The following FAM174B variants were observed in gnomAD, a reference collection of about 807,000 sequenced individuals.
FAM174B encodes membrane protein FAM174B.
FAM174B carries 12 observed loss-of-function variants against 10.9 expected under a neutral mutation model. The ratio of observed to expected loss-of-function variants is 1.10; its 90% CI spans 0.71 to 1.79. The LOEUF (loss-of-function observed/expected upper bound fraction) is 1.79. Among genes scored for constraint, FAM174B ranks in the 40% most tolerant of loss-of-function variants. FAM174B has a pLI of 0.00. For synonymous variants in FAM174B, 132 were observed against 115.8 expected (o/e 1.14, Z -0.90); for missense variants, 266 against 233.3 (o/e 1.14, Z -0.91).
chr15:92,622,826 T>C (rs1217470902), intron 2 of FAM174B, among the ~76,000 whole-genome samples: 1 of 152,186 alleles, frequency 6.6e-6, no homozygotes, highest in Non-Finnish European at 1.5e-5. Context: ...CAGCACCCTG[T>C]TCCTTCCTCT....
chr15:92,617,628 G>C lies in FAM174B; in HGVS notation c.*1828C>G, dbSNP rs2050687586. The C allele has an allele frequency of 1.5e-6, 1 of 657,222 alleles. No individual in the cohort carries two copies. The highest frequency in any genetic ancestry group is 2.7e-6 in the Non-Finnish European group (1 of 369,566). 40.7% of individuals were successfully genotyped at this position (657,222 alleles called of 1,614,324 possible). ...AGCTTTTCCATGAGATTCAGCTGCAGTTGTCGAAAACCCTGTGTGAGCCAG... is the reference window on the plus strand; with the variant it reads ...AGCTTTTCCATGAGATTCAGCTGCACTTGTCGAAAACCCTGTGTGAGCCAG... On this transcript the variant is annotated 3_prime_UTR_variant, in exon 3 of 3. Coordinates refer to ENST00000327355, the MANE Select transcript of FAM174B (RefSeq NM_207446.3).
At chr15:92,646,557 C>A (rs926369381) in intron 1 of FAM174B, among the ~76,000 whole-genome samples, 5 of 152,182 alleles carry the variant, frequency 3.3e-5, no homozygotes, top group African/African-American at 1.2e-4. Context: ...ACCCGAAAAA[C>A]TAATTCAGGC....
At chr15:92,638,008 G>A (rs1596299934) in intron 1 of FAM174B, among the ~76,000 whole-genome samples, 2 of 152,150 alleles carry the variant, frequency 1.3e-5, no homozygotes, top group East Asian at 1.9e-4. Context: ...CCAGTGGGAC[G>A]GCAGCCTACA....
chr15:92,644,536 C>G (rs530246148), intron 1 of FAM174B, among the ~76,000 whole-genome samples: 46 of 152,146 alleles, frequency 3.0e-4, no homozygotes, highest in Non-Finnish European at 5.4e-4. Flanking sequence ...TGGGGAGACC[C>G]TGGATGCACC....
In FAM174B at chr15:92,630,243, C is replaced by T; in HGVS notation, c.447G>A (p.Glu149=). Residue 149 remains glutamate, a synonymous_variant, in exon 2 of 3, where the codon GAG becomes GAA. Transcript: ENST00000327355. ...APLNEEDDED[E]DSTVFDIKYR ...ATTTGATGTCGAATACTGTGGAGTC[C>T]TCATCTTCATCATCCTCTTCATTTA... 1 of 1,607,844 alleles carries T rather than the reference C, an allele frequency of 6.2e-7. No homozygotes were observed. Among genetic ancestry groups the T allele is most frequent in the Non-Finnish European group, 8.5e-7 (1 of 1,174,662 alleles).
intron 1 of FAM174B, among the ~76,000 whole-genome samples, chr15:92,654,865 G>A (rs2050990761): frequency 1.3e-5 from 2 of 152,034 alleles, no homozygotes; most frequent in Admixed American, 6.6e-5. Flanking sequence ...GTAGAAGGGA[G>A]AGGGAGTAGC....
At chr15:92,655,284 G>A in intron 1 of FAM174B, 32 bp downstream of exon 1, 3 of 1,504,620 alleles carry the variant, frequency 2.0e-6, no homozygotes, top group Non-Finnish European at 2.7e-6. Flanking sequence ...CCTGTCGGCC[G>A]GCGGGGGAAG....
intron 2 of FAM174B, among the ~76,000 whole-genome samples, chr15:92,622,330 A>G (rs559691905): frequency 1.5e-3 from 231 of 152,340 alleles, no homozygotes; most frequent in African/African-American, 5.3e-3. Flanking sequence ...GTCCACCCGC[A>G]CACACCAACG....
intron 1 of FAM174B, among the ~76,000 whole-genome samples, chr15:92,643,353 T>TGTGTGTGTGTGTGC (rs1471249913): frequency 2.0e-5 from 3 of 151,396 alleles, no homozygotes; most frequent in East Asian, 1.9e-4. Flanking sequence ...AATGTGTGTG[T>TGTGTGTGTGTGTGC]GTGTGTGTGT....
At chr15:92,630,587 T>G (rs890137520) in intron 1 of FAM174B, among the ~76,000 whole-genome samples, 7 of 151,786 alleles carry the variant, frequency 4.6e-5, no homozygotes, top group African/African-American at 1.7e-4. Flanking sequence ...TCATGGGACC[T>G]CAAGTGAGTG....
chr15:92,629,071 A>G (rs1383110245), intron 2 of FAM174B, among the ~76,000 whole-genome samples: 8 of 151,906 alleles, frequency 5.3e-5, no homozygotes, highest in Non-Finnish European at 1.2e-4. Flanking sequence ...TGATTTATGC[A>G]GAAGGACCAA....
intron 1 of FAM174B, among the ~76,000 whole-genome samples, chr15:92,654,192 C>G (rs201136641): frequency 2.0e-5 from 3 of 152,214 alleles, no homozygotes; most frequent in Non-Finnish European, 4.4e-5. Context: ...AAGCTCAATA[C>G]ATAGATGGCT....
At chr15:92,638,091 C>T (rs549161657) in intron 1 of FAM174B, among the ~76,000 whole-genome samples, 6 of 152,180 alleles carry the variant, frequency 3.9e-5, no homozygotes, top group Non-Finnish European at 8.8e-5. Context: ...ACTGCTGGCC[C>T]ATCTTCCACA....
At chr15:92,646,524 G>A (rs988223530) in intron 1 of FAM174B, among the ~76,000 whole-genome samples, 3 of 152,280 alleles carry the variant, frequency 2.0e-5, no homozygotes, top group Middle Eastern at 3.4e-3. Flanking sequence ...CAGCAATTTG[G>A]AATCTCAGCA....
intron 2 of FAM174B, among the ~76,000 whole-genome samples, chr15:92,622,828 C>A (rs1356077060): frequency 6.6e-6 from 1 of 152,206 alleles, no homozygotes; most frequent in Non-Finnish European, 1.5e-5. Context: ...GCACCCTGTT[C>A]CTTCCTCTGT....
chr15:92,651,786 A>T (rs1178423203), intron 1 of FAM174B, among the ~76,000 whole-genome samples: 1 of 152,234 alleles, frequency 6.6e-6, no homozygotes, highest in African/African-American at 2.4e-5. Flanking sequence ...AGAAGCAAAG[A>T]ATATATAGTG....
At chr15:92,631,696 G>T (rs186565241) in intron 1 of FAM174B, among the ~76,000 whole-genome samples, 3 of 149,532 alleles carry the variant, frequency 2.0e-5, no homozygotes, top group Non-Finnish European at 3.0e-5. Flanking sequence ...GACAGATTTC[G>T]CCTGTTAGCC....
At chr15:92,643,344 A>ATG (rs61322216) in intron 1 of FAM174B, among the ~76,000 whole-genome samples, 1,658 of 138,156 alleles carry the variant, frequency 0.012, 21 homozygotes, top group African/African-American at 0.031. Flanking sequence ...TAGGGAAGGA[A>ATG]TGTGTGTGTG....
intron 1 of FAM174B, among the ~76,000 whole-genome samples, chr15:92,642,077 C>A (rs568784473): frequency 5.9e-5 from 9 of 152,326 alleles, no homozygotes; most frequent in African/African-American, 2.2e-4. Flanking sequence ...GTCAACATGA[C>A]TAGCCATCAA....
Sources: gnomAD v4.1 joint callset for allele counts (sites outside exome capture counted in the v4.1 genomes callset) on GRCh38, gnomAD v4.1.1 for gene constraint, MANE v1.5 for transcripts, NCBI Gene and HGNC (gene_info 2026-07-23, HGNC 2026-07-21) for gene names.